The following CENPP variants were observed in gnomAD, a reference collection of about 807,000 sequenced individuals.
CENPP encodes the protein centromere protein P.
Under a neutral mutation model 35.6 loss-of-function variants are expected in CENPP, and 24 were observed. The ratio of observed to expected loss-of-function variants is 0.67; its 90% confidence interval spans 0.49 to 0.95. CENPP has a LOEUF of 0.95. Among genes scored for constraint, CENPP ranks in the 40% least tolerant of loss-of-function variants. The pLI is 0.00. For missense variants in CENPP, 332 were observed against 345.3 expected, an observed-to-expected ratio of 0.96 and a Z score of 0.31; for synonymous variants, 120 against 125.5, an observed-to-expected ratio of 0.96 and a Z score of 0.29.
intron 4 of CENPP, among the ~76,000 whole-genome samples, chr9:92,347,185 A>G (rs1841316709): frequency 6.6e-6 from 1 of 152,236 alleles, no homozygotes; most frequent in African/African-American, 2.4e-5. Flanking sequence ...GATCCTGCAA[A>G]GGAATTAGAA....
At chr9:92,536,091 C>T in intron 5 of CENPP, 1 of 477,428 alleles carries the variant, frequency 2.1e-6, no homozygotes, top group Middle Eastern at 3.3e-4. Context: ...TAACTGCCTC[C>T]CTTGGGGATA....
At chr9:92,440,346 A>AAAAT (rs58516284) in intron 5 of CENPP, among the ~76,000 whole-genome samples, 76,469 of 142,334 alleles carry the variant, frequency 0.54, 20,611 homozygotes, top group East Asian at 0.68. Flanking sequence ...CTGATGAGTT[A>AAAAT]AAATAAATAA....
At chr9:92,327,391 G>A (rs1840585932) in intron 1 of CENPP, among the ~76,000 whole-genome samples, 1 of 152,230 alleles carries the variant, frequency 6.6e-6, no homozygotes, top group South Asian at 2.1e-4. Flanking sequence ...CACTTTGGAG[G>A]AGGAGGGGTT....
chr9:92,496,996 C>T (rs768167224), intron 5 of CENPP, among the ~76,000 whole-genome samples: 2 of 151,390 alleles, frequency 1.3e-5, no homozygotes, highest in Non-Finnish European at 2.9e-5. Flanking sequence ...GAGCCTGGAC[C>T]GATCAAATAC....
chr9:92,493,652 A>G (rs1406278220), intron 5 of CENPP: 2 of 153,784 alleles, frequency 1.3e-5, no homozygotes, highest in Admixed American at 1.3e-4. Flanking sequence ...TTAGTACATT[A>G]TATTGTGAAG....
chr9:92,616,772 C>T lies in CENPP; in HGVS notation c.*3623C>T, dbSNP rs899495676. 5 of 152,330 alleles carry T rather than the reference C, an allele frequency of 3.3e-5. No homozygotes were observed. Among genetic ancestry groups the T allele is most frequent in the African/African-American group, 1.2e-4 (5 of 41,438 alleles). 9.4% of individuals were successfully genotyped at this position (152,330 alleles called of 1,614,324 possible). A position where few individuals can be genotyped will look rare whatever the true frequency, so the allele number is the denominator to read the frequency against. ...GATTACTCCGAGTCCTGAGCTCTGA[C>T]TGCTGTGTGTCCCGCTTTTCGTCTC... is the stretch of plus-strand genomic sequence containing the variant. On this transcript the variant is annotated 3_prime_UTR_variant, in exon 8 of 8. Coordinates refer to ENST00000375587, the MANE Select transcript of CENPP (RefSeq NM_001012267.3).
intron 4 of CENPP, among the ~76,000 whole-genome samples, chr9:92,372,163 G>C (rs1842026900): frequency 1.2e-5 from 1 of 84,550 alleles, no homozygotes; most frequent in South Asian, 4.3e-4. Flanking sequence ...CATTTTAGCT[G>C]ATATAAGTAT....
intron 5 of CENPP, chr9:92,466,554 G>A (rs1218145937): frequency 6.2e-7 from 1 of 1,613,774 alleles, no homozygotes; most frequent in Non-Finnish European, 8.5e-7. Flanking sequence ...TTAGCTTGTT[G>A]TTGTTCAGGA....
At chr9:92,513,654 A>G (rs1847501675) in intron 5 of CENPP, among the ~76,000 whole-genome samples, 1 of 152,236 alleles carries the variant, frequency 6.6e-6, no homozygotes, top group African/African-American at 2.4e-5. Flanking sequence ...GGTGGCTTTC[A>G]AAAACATTAG....
At chr9:92,529,136 A>G (rs1027303831) in intron 5 of CENPP, among the ~76,000 whole-genome samples, 3 of 152,236 alleles carry the variant, frequency 2.0e-5, no homozygotes, top group Non-Finnish European at 4.4e-5. Context: ...TAATTGGTAA[A>G]CTTGTTTTCA....
intron 4 of CENPP, among the ~76,000 whole-genome samples, chr9:92,354,402 C>T (rs200625796): frequency 2.6e-5 from 4 of 152,206 alleles, no homozygotes; most frequent in East Asian, 1.9e-4. Context: ...CTGAGCCATG[C>T]GTAACCTCCA....
chr9:92,344,568 G>A (rs1162112115), intron 3 of CENPP, among the ~76,000 whole-genome samples: 1 of 151,688 alleles, frequency 6.6e-6, no homozygotes, highest in African/African-American at 2.4e-5. Context: ...TTCTTTTTGA[G>A]ACTGAGTCTC....
intron 5 of CENPP, among the ~76,000 whole-genome samples, chr9:92,597,273 C>T (rs1326775): frequency 0.2 from 29,906 of 151,988 alleles, 3,810 homozygotes; most frequent in East Asian, 0.66. Context: ...TAGTGCAAGT[C>T]GACTGCACAG....
intron 5 of CENPP, among the ~76,000 whole-genome samples, chr9:92,578,164 G>A (rs1368187687): frequency 6.6e-6 from 1 of 152,056 alleles, no homozygotes; most frequent in Non-Finnish European, 1.5e-5. Flanking sequence ...ATTCCATGGT[G>A]TATATGTGCC....
intron 3 of CENPP, among the ~76,000 whole-genome samples, chr9:92,338,968 C>A (rs191530237): frequency 2.0e-5 from 3 of 152,294 alleles, no homozygotes; most frequent in African/African-American, 7.2e-5. Flanking sequence ...CAGGGTGCAG[C>A]AGAACAGGGC....
chr9:92,545,657 G>T (rs1849422825), intron 5 of CENPP, among the ~76,000 whole-genome samples: 1 of 152,230 alleles, frequency 6.6e-6, no homozygotes, highest in Admixed American at 6.5e-5. Flanking sequence ...CTGGCAGCCA[G>T]CTCCACCTGC....
chr9:92,432,781 T>A (rs1844146386), intron 5 of CENPP, among the ~76,000 whole-genome samples: 1 of 152,212 alleles, frequency 6.6e-6, no homozygotes, highest in Non-Finnish European at 1.5e-5. Context: ...GTTTTAGAAA[T>A]CACATTTTCA....
chr9:92,407,717 C>A (rs1216785488), intron 5 of CENPP, among the ~76,000 whole-genome samples: 1 of 152,124 alleles, frequency 6.6e-6, no homozygotes, highest in African/African-American at 2.4e-5. Flanking sequence ...AATGATCCTC[C>A]CACTTCAACC....
intron 5 of CENPP, among the ~76,000 whole-genome samples, chr9:92,391,232 T>TA (rs1445869665): frequency 1.4e-5 from 2 of 142,374 alleles, no homozygotes; most frequent in Admixed American, 7.0e-5. Context: ...CCATCTCTAC[T>TA]AAAAATACCA....
Sources: gnomAD v4.1 joint callset for allele counts (sites outside exome capture counted in the v4.1 genomes callset) on GRCh38, gnomAD v4.1.1 for gene constraint, MANE v1.5 for transcripts, NCBI Gene and HGNC (gene_info 2026-07-23, HGNC 2026-07-21) for gene names.